TSC1: variants seen among roughly 807,000 people sequenced by gnomAD.
The protein encoded by TSC1 is TSC complex subunit 1, also known as hamartin.
Under a neutral mutation model 124.3 loss-of-function variants are expected in TSC1, and 20 were observed. That is an observed-to-expected ratio of 0.16 (90% CI 0.11 to 0.23). The LOEUF (loss-of-function observed/expected upper bound fraction) is 0.23, where lower values mean the gene tolerates loss of function less well. Among genes scored for constraint, TSC1 ranks in the 10% least tolerant of loss-of-function variants. The probability of loss-of-function intolerance (pLI) is 1.00; values close to 1 mark genes in which losing one functional copy is unlikely to be tolerated. For missense variants in TSC1, 1,124 were observed against 1,448.5 expected, an observed-to-expected ratio of 0.78 and a Z score of 3.64; for synonymous variants, 493 against 539.1, an observed-to-expected ratio of 0.91 and a Z score of 1.19.
intron 8 of TSC1, among the ~76,000 whole-genome samples, chr9:132,917,655 T>A (rs1846337184): frequency 6.6e-6 from 1 of 152,190 alleles, no homozygotes; most frequent in Admixed American, 6.5e-5. Flanking sequence ...AAATTTTTTT[T>A]AATTGGATGC....
rs537455357 is a variant in TSC1 at position 132,923,905 on chromosome 9, TGTTA to T, written c.364-417_364-414del. Among the ~76,000 whole-genome samples, 576 of 151,402 alleles carry T rather than the reference TGTTA, an allele frequency of 3.8e-3. 4 individuals are homozygous for T. Among genetic ancestry groups the T allele is most frequent in the African/African-American group, 0.013 (537 of 40,930 alleles). Reference sequence around the variant, plus strand: ...ACCAAATCCTAAGATACTTACTTTTTGTTAATTAAAAAAAAAAAAAACTGCACAT... The same window carrying T: ...ACCAAATCCTAAGATACTTACTTTTTATTAAAAAAAAAAAAAACTGCACAT... On this transcript the variant is annotated intron_variant, in intron 5 of 22. Coordinates refer to ENST00000298552, the MANE Select transcript of TSC1 (RefSeq NM_000368.5). This position sits in a 1 kb window ranked among gnomAD's most constrained non-coding sequence, Gnocchi z 4.2.
chr9:132,927,251 A>G lies in TSC1; in HGVS notation c.160T>C (p.Ser54Pro). Residue 54 changes from serine (S) to proline (P), a missense_variant, in exon 4 of 23, where the codon TCT becomes CCT. Coordinates refer to ENST00000298552, the MANE Select transcript of TSC1 (RefSeq NM_000368.5). ...TLVDYYLETS[S>P]QPALHILTTL... ...GTCAGGATGTGCAATGCCGGCTGAG[A>G]GCTGGTTTCCAGGTAATAATCCACC... 1 of 1,614,106 alleles carries G rather than the reference A, an allele frequency of 6.2e-7. No individual in the cohort carries two copies.
intron 16 of TSC1, 103 bp downstream of exon 16, chr9:132,904,308 G>C: frequency 7.8e-7 from 1 of 1,277,046 alleles, no homozygotes; most frequent in South Asian, 1.2e-5. Context: ...CAATAGCCAA[G>C]GGGAGATCTG....
rs1034398735 is a variant in TSC1, at chr9:132,896,629, C to T, written c.3101G>A (p.Gly1034Asp). The T allele has an allele frequency of 6.2e-7, 1 of 1,613,760 alleles. No homozygotes were observed. Among genetic ancestry groups the T allele is most frequent in the African/African-American group, 1.3e-5 (1 of 74,892 alleles). ...GCTGCTGCTGCTGCTGCCTCCACCA[C>T]CTCTGCTTCCACTACTGCCCCGGGC... ...SSARGSSGSR[G>D]GGGSSSSSSE... Residue 1034 changes from glycine to aspartate, a missense_variant, in exon 23 of 23, where the codon GGT becomes GAT. Gly to Asp is a moderately conservative substitution (Grantham distance 94). Transcript: ENST00000298552. This position sits in a 1 kb window ranked among gnomAD's most constrained non-coding sequence, Gnocchi z 4.5.
Position 132,912,469 on chromosome 9 carries a change from A to C in TSC1, c.738-12T>G, listed in dbSNP as rs2132008003. On this transcript the variant is annotated splice_polypyrimidine_tract_variant and intron_variant, in intron 8 of 22. Transcript: ENST00000298552. ...CTAATCTCTTCCACCTGTAAAATGC[A>C]ATGAAAGTCAAGAAATGCAAACTGT... The C allele has an allele frequency of 6.2e-7, 1 of 1,614,174 alleles. No homozygotes were observed. The highest frequency in any genetic ancestry group is 2.2e-5 in the East Asian group (1 of 44,884).
chr9:132,911,505 A>G lies in TSC1; in HGVS notation c.977T>C (p.Leu326Pro), dbSNP rs757779597. The change falls in exon 10 of 23, where the codon CTA becomes CCA. Residue 326 changes from leucine (L) to proline (P), a missense_variant. Leu to Pro is a moderately conservative substitution (Grantham distance 98). Transcript: ENST00000298552. ...CGATGGGGAACTCAGAGTCTGAGGT[A>G]GCTGCCCTGGCATATTTAACAACAT... is the stretch of plus-strand genomic sequence containing the variant. ...RLMLLNMPGQ[L>P]PQTLSSPSTR... 6.2e-7 allele frequency: 1 copy of G among 1,614,042 alleles called. No homozygotes were observed. Among genetic ancestry groups the G allele is most frequent in the Non-Finnish European group, 8.5e-7 (1 of 1,180,008 alleles).
chr9:132,912,606 T>C lies in TSC1; in HGVS notation c.738-149A>G. 3.7e-6 allele frequency: 3 copies of C among 808,830 alleles called. No individual in the cohort carries two copies. In the South Asian group the frequency reaches 4.5e-5, roughly 12 times the overall value. 50.1% of individuals were successfully genotyped at this position (808,830 alleles called of 1,614,324 possible). A position where few individuals can be genotyped will look rare whatever the true frequency, so the allele number is the denominator to read the frequency against. On this transcript the variant is annotated intron_variant, in intron 8 of 22. Coordinates refer to ENST00000298552, the MANE Select transcript of TSC1 (RefSeq NM_000368.5). ...CCAAGTCTGAAACAATTCTAGTACA[T>C]AAAGAAATAGCCATTCATTTTACAA... is the stretch of plus-strand genomic sequence containing the variant.
At position 132,911,460 on chromosome 9, in the gene TSC1, G is replaced by A. The variant is rs1588324106; in HGVS notation, c.1022C>T (p.Pro341Leu). 6.2e-6 allele frequency: 10 copies of A among 1,610,852 alleles called. No individual in the cohort carries two copies. Among genetic ancestry groups the A allele is most frequent in the Non-Finnish European group, 8.5e-6 (10 of 1,177,170 alleles). Residue 341 changes from proline (P) to leucine (L), a missense_variant, in exon 10 of 23, where the codon CCA becomes CTA. By Grantham distance (98) the Pro-to-Leu change is moderately conservative. Transcript: ENST00000298552. ...CACTAGTTGACACCATACTTGTGGT[G>A]GTTCAGTTATCAGCCGTGTCGATGG... ...SSPSTRLITE[P>L]PQATLWSPSM...
At chr9:132,936,025 C>T (rs559120611) in intron 1 of TSC1, among the ~76,000 whole-genome samples, 10 of 152,264 alleles carry the variant, frequency 6.6e-5, no homozygotes, top group African/African-American at 1.9e-4. Context: ...AGGGAGAGAC[C>T]GCAGCTTACT....
intron 4 of TSC1, chr9:132,925,963 G>A: frequency 3.4e-6 from 2 of 582,746 alleles, no homozygotes; most frequent in Non-Finnish European, 6.0e-6. Context: ...TCATGAAAAA[G>A]GACCCTACAA....
chr9:132,919,480 A>G (rs1846431170), intron 8 of TSC1, among the ~76,000 whole-genome samples: 1 of 152,242 alleles, frequency 6.6e-6, no homozygotes, highest in Non-Finnish European at 1.5e-5. Flanking sequence ...CAGCAAATAC[A>G]GATGATCAGA....
chr9:132,896,423 G>A lies in TSC1; in HGVS notation c.3307C>T (p.Gln1103Ter). Residue 1103 changes from glutamine (Q) to a stop codon, truncating the protein, a stop_gained, in exon 23 of 23, where the codon CAG becomes TAG. Transcript: ENST00000298552. LOFTEE classifies it high-confidence loss of function. This position sits in a 1 kb window ranked among gnomAD's most constrained non-coding sequence, Gnocchi z 4.5. ...RELFRNKSES[Q>*]CDEDGMTSSL... The stretch of plus-strand genomic sequence containing the variant: ...CTGGTCATGCCGTCCTCATCACACT[G>A]GCTCTCGCTCTTATTACGAAATAAC... 1 of 1,614,174 alleles carries A rather than the reference G, an allele frequency of 6.2e-7. No individual in the cohort carries two copies.
chr9:132,919,144 G>C (rs1269092207), intron 8 of TSC1, among the ~76,000 whole-genome samples: 1 of 152,248 alleles, frequency 6.6e-6, no homozygotes, highest in Non-Finnish European at 1.5e-5. Flanking sequence ...TGTAACAACA[G>C]TAGGTATTTG....
intron 8 of TSC1, among the ~76,000 whole-genome samples, chr9:132,919,758 C>T (rs925993443): frequency 2.0e-5 from 3 of 152,160 alleles, no homozygotes; most frequent in African/African-American, 7.2e-5. Context: ...TAGGCACAGA[C>T]GAGAACCAGT....
chr9:132,942,343 A>C (rs987811896), intron 1 of TSC1: 12 of 152,248 alleles, frequency 7.9e-5, no homozygotes, highest in Admixed American at 7.8e-4. Flanking sequence ...ATGTAGGTCT[A>C]CCTAGTATAG....
chr9:132,944,680 C>T (rs550763141), upstream of TSC1: 5 of 398,852 alleles, frequency 1.3e-5, no homozygotes, highest in South Asian at 3.8e-4. Context: ...AAAGAGTCCC[C>T]CTCCGGACCT....
At chr9:132,925,895 A>T in intron 4 of TSC1, 156 bp from the exon 5 acceptor site, 6 of 973,686 alleles carry the variant, frequency 6.2e-6, no homozygotes, top group Admixed American at 4.7e-5. Flanking sequence ...TTTAAAAACC[A>T]CGTTAGCAAA....
chr9:132,900,568 G>C, intron 20 of TSC1, 147 bp downstream of exon 20: 1 of 1,350,314 alleles, frequency 7.4e-7, no homozygotes, highest in Non-Finnish European at 1.0e-6. Context: ...GAAAGTGCTT[G>C]TATAGCTGGA....
rs1197683828 is a variant in TSC1 at position 132,906,222 on chromosome 9, A to G, written c.1439-83T>C. 1.2e-5 allele frequency: 17 copies of G among 1,429,474 alleles called. No homozygotes were observed. The highest frequency in any genetic ancestry group is 1.6e-5 in the Non-Finnish European group (17 of 1,035,456). The allele number at this position is 1,429,474 out of a possible 1,614,324, so 88.5% of individuals were successfully genotyped here. On this transcript the variant is annotated intron_variant, in intron 14 of 22. Coordinates refer to ENST00000298552, the MANE Select transcript of TSC1 (RefSeq NM_000368.5). This position sits in a 1 kb window ranked among gnomAD's most constrained non-coding sequence, Gnocchi z 4.1. The stretch of plus-strand genomic sequence containing the variant: ...TAGGCAGTTTGGGTGGCATGCTGCC[A>G]CATGCCAGTGTCACTCAGAGAGAGG...
Sources: gnomAD v4.1 joint callset for allele counts (sites outside exome capture counted in the v4.1 genomes callset) on GRCh38, gnomAD v4.1.1 for gene constraint, Gnocchi (gnomAD v3.1) non-coding constraint, MANE v1.5 for transcripts, NCBI Gene and HGNC (gene_info 2026-07-23, HGNC 2026-07-21) for gene names.